Variants in GALNT13 observed in about 807,000 individuals in gnomAD.
The protein encoded by GALNT13 is polypeptide N-acetylgalactosaminyltransferase 13.
Under a neutral mutation model 64.2 loss-of-function variants are expected in GALNT13, and 28 were observed. That is an observed-to-expected ratio of 0.44 (90% CI 0.32 to 0.60). GALNT13 has a LOEUF of 0.60. GALNT13 is among the 20% of genes least tolerant of loss of function. The pLI is 0.05. For missense variants in GALNT13, 577 were observed against 669.8 expected, an observed-to-expected ratio of 0.86 and a Z score of 1.53; for synonymous variants, 214 against 224.6, an observed-to-expected ratio of 0.95 and a Z score of 0.42.
chr2:154,421,893 A>C (rs548299825), intron 11 of GALNT13, among the ~76,000 whole-genome samples: 7 of 152,224 alleles, frequency 4.6e-5, no homozygotes, highest in Non-Finnish European at 7.4e-5. Flanking sequence ...TCTCATAGGG[A>C]ATACAAAAGA....
chr2:153,827,201 T>G, the GALNT13 span, among the ~76,000 whole-genome samples: 1 of 151,956 alleles, frequency 6.6e-6, no homozygotes, highest in African/African-American at 2.4e-5. Flanking sequence ...TTTAAAACCA[T>G]TAGATCTCCT....
At chr2:153,743,791 C>T in the GALNT13 span, among the ~76,000 whole-genome samples, 2 of 152,014 alleles carry the variant, frequency 1.3e-5, no homozygotes, top group Non-Finnish European at 2.9e-5. Context: ...ATTTTTTGTA[C>T]CCATTAACCT....
the GALNT13 span, among the ~76,000 whole-genome samples, chr2:153,774,023 A>G: frequency 6.6e-6 from 1 of 152,150 alleles, no homozygotes; most frequent in Non-Finnish European, 1.5e-5. Context: ...TCAATTGATG[A>G]TTGATTAGAA....
At chr2:153,932,622 CTTTCTT>C (rs1409899737) in intron 2 of GALNT13, among the ~76,000 whole-genome samples, 1 of 120,138 alleles carries the variant, frequency 8.3e-6, no homozygotes, top group Non-Finnish European at 1.7e-5. Context: ...TTTTTTCTGT[CTTTCTT>C]TTTTTTTTTT....
At chr2:154,414,464 A>G (rs1699919003) in intron 11 of GALNT13, among the ~76,000 whole-genome samples, 1 of 151,240 alleles carries the variant, frequency 6.6e-6, no homozygotes, top group South Asian at 2.1e-4. Flanking sequence ...TTCCAACCAC[A>G]CTTTCCAGGA....
At chr2:153,269,789 A>T in the GALNT13 span, among the ~76,000 whole-genome samples, 1 of 152,136 alleles carries the variant, frequency 6.6e-6, no homozygotes. Context: ...GTTGAAGGTG[A>T]AGGAGAAACA....
the GALNT13 span, among the ~76,000 whole-genome samples, chr2:153,636,802 TAAAG>T: frequency 2.0e-5 from 3 of 152,130 alleles, no homozygotes; most frequent in Non-Finnish European, 1.5e-5. Context: ...AGAGAAGACT[TAAAG>T]AAATTATTAC....
At chr2:154,022,067 T>C (rs1413578540) in intron 3 of GALNT13, among the ~76,000 whole-genome samples, 1 of 152,168 alleles carries the variant, frequency 6.6e-6, no homozygotes, top group East Asian at 1.9e-4. Context: ...TTGATCATGG[T>C]GAATAAGCTT....
the GALNT13 span, among the ~76,000 whole-genome samples, chr2:153,512,845 G>A: frequency 6.6e-6 from 1 of 152,280 alleles, no homozygotes; most frequent in East Asian, 1.9e-4. Flanking sequence ...GGCAAAGAAT[G>A]AGTAAAACTG....
the GALNT13 span, among the ~76,000 whole-genome samples, chr2:153,515,971 G>C: frequency 6.6e-6 from 1 of 152,140 alleles, no homozygotes. Context: ...GACAGCAACT[G>C]AATGTTTAAA....
intron 8 of GALNT13, among the ~76,000 whole-genome samples, chr2:154,300,529 T>A (rs1243752744): frequency 1.3e-5 from 2 of 152,154 alleles, no homozygotes; most frequent in African/African-American, 2.4e-5. Flanking sequence ...ACAGCGACTA[T>A]GACTTCTATT....
chr2:154,153,633 T>C (rs1308973603), intron 4 of GALNT13, among the ~76,000 whole-genome samples: 1 of 152,216 alleles, frequency 6.6e-6, no homozygotes, highest in Non-Finnish European at 1.5e-5. Flanking sequence ...GCCTGGGCAA[T>C]GGCGGGCGCC....
intron 9 of GALNT13, among the ~76,000 whole-genome samples, chr2:154,367,166 C>T (rs1697415098): frequency 2.2e-4 from 1 of 4,454 alleles, no homozygotes; most frequent in Non-Finnish European, 1.0e-3. Context: ...GAGATGTAAA[C>T]CATAAATGAG....
At chr2:154,234,818 T>C (rs1157714864) in intron 4 of GALNT13, among the ~76,000 whole-genome samples, 1 of 152,090 alleles carries the variant, frequency 6.6e-6, no homozygotes, top group East Asian at 1.9e-4. Flanking sequence ...GAATGCTAGA[T>C]TCTGGAGAGG....
chr2:153,144,055 A>G, the GALNT13 span, among the ~76,000 whole-genome samples: 634 of 152,068 alleles, frequency 4.2e-3, 6 homozygotes, highest in African/African-American at 0.014. Flanking sequence ...TCTAGCTCTC[A>G]TGGGTCATTG....
intron 4 of GALNT13, among the ~76,000 whole-genome samples, chr2:154,217,870 A>C (rs1247857652): frequency 1.3e-5 from 2 of 151,876 alleles, no homozygotes; most frequent in Non-Finnish European, 2.9e-5. Flanking sequence ...ATTTATATGC[A>C]CTTAATCACC....
chr2:153,611,428 G>A, the GALNT13 span, among the ~76,000 whole-genome samples: 6 of 151,926 alleles, frequency 3.9e-5, no homozygotes, highest in Non-Finnish European at 7.4e-5. Flanking sequence ...GAGTCCAGTG[G>A]TGCAATCTTG....
At chr2:153,693,018 CT>C in the GALNT13 span, among the ~76,000 whole-genome samples, 1 of 152,056 alleles carries the variant, frequency 6.6e-6, no homozygotes, top group Non-Finnish European at 1.5e-5. Context: ...CTTTGTGGGA[CT>C]TTTTAATACT....
intron 8 of GALNT13, among the ~76,000 whole-genome samples, chr2:154,293,926 ATTAGC>A (rs1273074440): frequency 6.6e-6 from 1 of 152,172 alleles, no homozygotes; most frequent in Admixed American, 6.5e-5. Context: ...TTATTCTTGT[ATTAGC>A]TTAGTATTAC....
Sources: gnomAD v4.1 joint callset for allele counts (sites outside exome capture counted in the v4.1 genomes callset) on GRCh38, gnomAD v4.1.1 for gene constraint, MANE v1.5 for transcripts, NCBI Gene and HGNC (gene_info 2026-07-23, HGNC 2026-07-21) for gene names.